DAB1: variants seen among roughly 807,000 people sequenced by gnomAD.
The protein encoded by DAB1 is DAB adaptor protein 1.
A neutral mutation model predicts 64.6 loss-of-function variants in DAB1; 15 were observed. That is an observed-to-expected ratio of 0.23 (90% CI 0.16 to 0.36). The LOEUF is 0.36. DAB1 is among the 10% of genes least tolerant of loss of function. The probability of loss-of-function intolerance (pLI) is 1.00; values close to 1 mark genes in which losing one functional copy is unlikely to be tolerated. For missense variants in DAB1, 596 were observed against 706.7 expected, an observed-to-expected ratio of 0.84 and a Z score of 1.78; for synonymous variants, 235 against 251.9, an observed-to-expected ratio of 0.93 and a Z score of 0.64.
intron 1 of DAB1, among the ~76,000 whole-genome samples, chr1:57,419,773 C>T (rs939597387): frequency 6.6e-6 from 1 of 152,210 alleles, no homozygotes; most frequent in Admixed American, 6.5e-5. Flanking sequence ...CTATAAAGCA[C>T]AGAGAAGTTA....
rs562583244 is a variant in DAB1 at position 57,436,950 on chromosome 1, C to A, written n.626-145784G>T. The stretch of plus-strand genomic sequence containing the variant: ...GGCTGAGGCAGGAGAATGGTGTGAA[C>A]CTGGGAGGCGGAGCTTGCAGTGAGC... On this transcript the variant is annotated intron_variant and non_coding_transcript_variant, in intron 7 of 20. Transcript: ENST00000485760. 8.0e-5 allele frequency among the ~76,000 whole-genome samples: 12 copies of A among 149,164 alleles called. No individual in the cohort carries two copies. In the South Asian group the frequency reaches 1.3e-3, roughly 16 times the overall value.
intron 3 of DAB1, among the ~76,000 whole-genome samples, chr1:58,420,619 C>A (rs1007747078): frequency 3.3e-5 from 5 of 152,160 alleles, no homozygotes; most frequent in Admixed American, 3.3e-4. Context: ...TCTTTTATAA[C>A]CTATTGTCAG....
At chr1:57,850,649 G>C (rs1238512564) in intron 1 of DAB1, among the ~76,000 whole-genome samples, 1 of 152,152 alleles carries the variant, frequency 6.6e-6, no homozygotes, top group African/African-American at 2.4e-5. Context: ...CCCAAGGCCT[G>C]GCCTGCAAGT....
At chr1:57,554,788 T>G (rs1410274504) in intron 7 of DAB1, among the ~76,000 whole-genome samples, 29 of 152,166 alleles carry the variant, frequency 1.9e-4, no homozygotes, top group Admixed American at 1.9e-3. Flanking sequence ...ATATTTTGAG[T>G]GTTCCACTTG....
intron 5 of DAB1, among the ~76,000 whole-genome samples, chr1:57,899,786 G>A (rs1426556897): frequency 6.6e-6 from 1 of 151,918 alleles, no homozygotes; most frequent in Non-Finnish European, 1.5e-5. Flanking sequence ...GTCAAGATCC[G>A]GCTCTCGCAT....
intron 5 of DAB1, among the ~76,000 whole-genome samples, chr1:58,088,455 C>A (rs1009667699): frequency 3.3e-5 from 5 of 152,120 alleles, no homozygotes; most frequent in Non-Finnish European, 7.3e-5. Flanking sequence ...TATATGAAAT[C>A]TTTTGGGAGC....
At chr1:58,033,371 C>T (rs532898568) in intron 5 of DAB1, among the ~76,000 whole-genome samples, 1 of 152,276 alleles carries the variant, frequency 6.6e-6, no homozygotes, top group Admixed American at 6.5e-5. Context: ...AGCCTGGCTG[C>T]TATCAGATAA....
intron 5 of DAB1, among the ~76,000 whole-genome samples, chr1:57,961,840 T>C (rs1002870388): frequency 2.6e-5 from 4 of 151,392 alleles, no homozygotes; most frequent in Non-Finnish European, 4.4e-5. Context: ...CCGGGCATGG[T>C]GGTGTCCTGT....
intron 4 of DAB1, among the ~76,000 whole-genome samples, chr1:58,176,211 G>C (rs1656466157): frequency 6.6e-6 from 1 of 152,064 alleles, no homozygotes; most frequent in South Asian, 2.1e-4. Flanking sequence ...TCTTTACATA[G>C]GTGAAGAAAA....
intron 14 of DAB1, among the ~76,000 whole-genome samples, chr1:57,002,083 GT>G (rs1302356044): frequency 6.6e-6 from 1 of 152,182 alleles, no homozygotes; most frequent in Non-Finnish European, 1.5e-5. Flanking sequence ...TTGGCAAATA[GT>G]TGTGAACTTT....
chr1:58,110,450 G>A (rs1231985059), intron 5 of DAB1, among the ~76,000 whole-genome samples: 2 of 152,160 alleles, frequency 1.3e-5, no homozygotes, highest in African/African-American at 2.4e-5. Context: ...CTTATTTACT[G>A]AGCACCTAGC....
intron 9 of DAB1, among the ~76,000 whole-genome samples, chr1:57,045,514 A>G (rs1176361099): frequency 1.3e-5 from 2 of 152,126 alleles, no homozygotes; most frequent in Admixed American, 1.3e-4. Flanking sequence ...CCTGGCCAAT[A>G]TGGAGAAATT....
chr1:57,384,787 T>C (rs930362049), intron 1 of DAB1, among the ~76,000 whole-genome samples: 1 of 152,132 alleles, frequency 6.6e-6, no homozygotes, highest in Non-Finnish European at 1.5e-5. Context: ...TTTTGCATGA[T>C]GAAAAAGTTC....
At chr1:58,280,166 C>A (rs910647502) in intron 4 of DAB1, among the ~76,000 whole-genome samples, 1 of 152,180 alleles carries the variant, frequency 6.6e-6, no homozygotes, top group Non-Finnish European at 1.5e-5. Context: ...CTGTAGAAAC[C>A]TGACCTCCTC....
chr1:57,180,392 A>G (rs113544689), intron 2 of DAB1, among the ~76,000 whole-genome samples: 2 of 152,358 alleles, frequency 1.3e-5, no homozygotes, highest in African/African-American at 4.8e-5. Flanking sequence ...GGCTGCACTC[A>G]TCACATTGTT....
chr1:57,052,586 G>T (rs1014293646), intron 9 of DAB1, among the ~76,000 whole-genome samples: 3 of 152,190 alleles, frequency 2.0e-5, no homozygotes, highest in African/African-American at 4.8e-5. Context: ...ATAATGTCAA[G>T]TTATTAACGG....
At chr1:57,889,021 G>A (rs560970327), upstream of DAB1, among the ~76,000 whole-genome samples, 1 of 152,272 alleles carries the variant, frequency 6.6e-6, no homozygotes, top group South Asian at 2.1e-4. Context: ...GGCAGTGCCT[G>A]AGCTCAGAAC....
chr1:57,524,203 A>G (rs1435238544), intron 7 of DAB1, among the ~76,000 whole-genome samples: 1 of 152,150 alleles, frequency 6.6e-6, no homozygotes, highest in Non-Finnish European at 1.5e-5. Context: ...CATAGAGGCG[A>G]AAGTTTTCTG....
intron 7 of DAB1, among the ~76,000 whole-genome samples, chr1:57,541,533 C>A (rs116756630): frequency 3.2e-4 from 49 of 152,258 alleles, no homozygotes; most frequent in African/African-American, 1.2e-3. Context: ...TTTCTGAGAC[C>A]CACATCTAGG....
Sources: gnomAD v4.1 joint callset for allele counts (sites outside exome capture counted in the v4.1 genomes callset) on GRCh38, gnomAD v4.1.1 for gene constraint, MANE v1.5 for transcripts, NCBI Gene and HGNC (gene_info 2026-07-23, HGNC 2026-07-21) for gene names.